The following HACD1 variants were observed in gnomAD, a reference collection of about 807,000 sequenced individuals.
HACD1 encodes the protein 3-hydroxyacyl-CoA dehydratase 1, also known as very-long-chain (3R)-3-hydroxyacyl-CoA dehydratase 1.
HACD1 carries 41 observed loss-of-function variants against 32.0 expected under a neutral mutation model. The observed-to-expected ratio is 1.28, with a 90% confidence interval of 1.00 to 1.66. The LOEUF (loss-of-function observed/expected upper bound fraction) is 1.66. Among genes scored for constraint, HACD1 ranks in the 40% most tolerant of loss-of-function variants. The pLI, the probability that HACD1 is intolerant of heterozygous loss-of-function variation, is 0.00. For missense variants in HACD1, 396 were observed against 380.1 expected (o/e 1.04, Z -0.35); for synonymous variants, 142 against 139.0 (o/e 1.02, Z -0.15).
intron 1 of HACD1, among the ~76,000 whole-genome samples, chr10:17,611,141 C>T (rs1308335463): frequency 6.6e-6 from 1 of 151,896 alleles, no homozygotes; most frequent in Non-Finnish European, 1.5e-5. Context: ...GCTGGGACTA[C>T]AGGTGCACGC....
intron 5 of HACD1, among the ~76,000 whole-genome samples, chr10:17,596,583 A>G (rs531823792): frequency 6.6e-6 from 1 of 151,632 alleles, no homozygotes; most frequent in African/African-American, 2.4e-5. Flanking sequence ...AAAATTTCTA[A>G]TGAAATGGGA....
chr10:17,606,843 G>C (rs1554817106), intron 1 of HACD1, among the ~76,000 whole-genome samples: 5 of 152,096 alleles, frequency 3.3e-5, no homozygotes, highest in African/African-American at 1.2e-4. Flanking sequence ...CTATGTCTTA[G>C]ACACTGTTTT....
intron 1 of HACD1, 131 bp downstream of exon 1, chr10:17,616,952 C>T: frequency 9.5e-7 from 1 of 1,057,144 alleles, no homozygotes; most frequent in South Asian, 3.9e-5. Context: ...GCCGCGGCGA[C>T]AGCTCCCTTC....
At chr10:17,612,364 C>G (rs1832997192) in intron 1 of HACD1, among the ~76,000 whole-genome samples, 1 of 152,126 alleles carries the variant, frequency 6.6e-6, no homozygotes, top group African/African-American at 2.4e-5. Context: ...ATATACAATA[C>G]AGCAGATATT....
intron 1 of HACD1, among the ~76,000 whole-genome samples, chr10:17,606,728 G>T (rs188722963): frequency 2.0e-5 from 3 of 152,228 alleles, no homozygotes; most frequent in South Asian, 4.1e-4. Context: ...TATCAGATTG[G>T]CAAGAAGTCA....
chr10:17,610,513 G>A (rs553383246), intron 1 of HACD1, among the ~76,000 whole-genome samples: 98 of 152,158 alleles, frequency 6.4e-4, no homozygotes, highest in African/African-American at 2.3e-3. Context: ...GCCAGGTGTG[G>A]TGGCACGTGA....
At chr10:17,602,232 G>C (rs1834080841) in intron 4 of HACD1, among the ~76,000 whole-genome samples, 1 of 152,024 alleles carries the variant, frequency 6.6e-6, no homozygotes, top group Non-Finnish European at 1.5e-5. Context: ...ACCACATCTG[G>C]CTGATTTTTG....
At chr10:17,615,405 T>A (rs1168410916) in intron 1 of HACD1, 2 of 152,598 alleles carry the variant, frequency 1.3e-5, no homozygotes, top group African/African-American at 4.8e-5. Flanking sequence ...TAGTAAGTCC[T>A]CAGTAAATAA....
intron 4 of HACD1, among the ~76,000 whole-genome samples, chr10:17,600,624 C>T (rs903045463): frequency 6.6e-5 from 10 of 152,212 alleles, no homozygotes; most frequent in African/African-American, 2.4e-4. Flanking sequence ...CCATGCCCAG[C>T]CCAGCACCCT....
intron 4 of HACD1, among the ~76,000 whole-genome samples, chr10:17,599,762 G>A (rs1834043570): frequency 6.6e-6 from 1 of 152,096 alleles, no homozygotes. Context: ...TAGGACCAAC[G>A]CTTGAATTGC....
At chr10:17,594,855 T>G (rs1457859243) in intron 5 of HACD1, among the ~76,000 whole-genome samples, 7 of 149,192 alleles carry the variant, frequency 4.7e-5, no homozygotes, top group Admixed American at 2.7e-4. Context: ...GTGTTTTTTT[T>G]TTTTGTTTTT....
intron 4 of HACD1, among the ~76,000 whole-genome samples, chr10:17,600,539 T>A (rs542691102): frequency 2.4e-4 from 37 of 152,218 alleles, no homozygotes; most frequent in African/African-American, 8.4e-4. Context: ...TTGGCCAGGC[T>A]GGTCTCGAAT....
chr10:17,600,486 C>A (rs1482676589), intron 4 of HACD1, among the ~76,000 whole-genome samples: 1 of 151,944 alleles, frequency 6.6e-6, no homozygotes, highest in Non-Finnish European at 1.5e-5. Flanking sequence ...ATTACATGCC[C>A]TGCTAATTTT....
intron 1 of HACD1, among the ~76,000 whole-genome samples, chr10:17,607,484 A>C: frequency 6.6e-6 from 1 of 152,188 alleles, no homozygotes; most frequent in East Asian, 1.9e-4. Flanking sequence ...GTTTATTAAG[A>C]TATTTTCATT....
At chr10:17,597,452 A>G (rs1385705744) in intron 5 of HACD1, among the ~76,000 whole-genome samples, 1 of 152,214 alleles carries the variant, frequency 6.6e-6, no homozygotes, top group African/African-American at 2.4e-5. Context: ...ATGGATAAAC[A>G]CTTTCTAAAC....
intron 1 of HACD1, among the ~76,000 whole-genome samples, chr10:17,611,844 G>A (rs1405032757): frequency 1.3e-5 from 2 of 152,046 alleles, no homozygotes; most frequent in Admixed American, 6.6e-5. Flanking sequence ...GGGGGTGCCT[G>A]TAGTCCCAGC....
chr10:17,599,757 C>G (rs575758507), intron 4 of HACD1, among the ~76,000 whole-genome samples: 2 of 152,222 alleles, frequency 1.3e-5, no homozygotes, highest in African/African-American at 4.8e-5. Context: ...TACTGTAGGA[C>G]CAACGCTTGA....
In HACD1 at chr10:17,617,089, G is replaced by A. The variant is rs1554818162; in HGVS notation, c.251C>T (p.Thr84Ile). 1.1e-5 allele frequency: 17 copies of A among 1,490,076 alleles called. No individual in the cohort carries two copies. Among genetic ancestry groups the A allele is most frequent in the Non-Finnish European group, 1.5e-5 (17 of 1,123,256 alleles). The allele number at this position is 1,490,076 out of a possible 1,614,324, so 92.3% of individuals were successfully genotyped here. ...TGCCCCGCGGCGCGCGTACCCCGCG[G>A]TCATGGCGATGTCGTAGAAGGTGAG... is the stretch of plus-strand genomic sequence containing the variant. ...AWLTFYDIAMTAGWLVLAIAM... is the reference protein window; with the variant it reads ...AWLTFYDIAMIAGWLVLAIAM... Residue 84 changes from threonine (T) to isoleucine (I), a missense_variant, in exon 1 of 7, where the codon ACC (threonine) becomes ATC (isoleucine). Thr to Ile is a moderately conservative substitution (Grantham distance 89). Transcript: ENST00000361271.
intron 1 of HACD1, among the ~76,000 whole-genome samples, chr10:17,605,256 G>T (rs1221979518): frequency 6.6e-6 from 1 of 152,144 alleles, no homozygotes; most frequent in Non-Finnish European, 1.5e-5. Context: ...CGGGTGCAGT[G>T]GCTCACACCT....
Sources: allele counts gnomAD v4.1 joint callset (sites outside exome capture counted in the v4.1 genomes callset), GRCh38; gene constraint gnomAD v4.1.1; transcripts MANE v1.5; gene names NCBI Gene and HGNC (gene_info 2026-07-23, HGNC 2026-07-21).